Variants in PALM2AKAP2 observed in about 807,000 individuals in gnomAD.
PALM2AKAP2 encodes PALM2-AKAP2 fusion protein.
Under a neutral mutation model 71.5 loss-of-function variants are expected in PALM2AKAP2, and 37 were observed. The ratio of observed to expected loss-of-function variants is 0.52; its 90% CI spans 0.40 to 0.68. The LOEUF is 0.68. PALM2AKAP2 is among the 30% of genes least tolerant of loss of function. The pLI is 0.00. For synonymous variants in PALM2AKAP2, 468 were observed against 478.8 expected (o/e 0.98, Z 0.29); for missense variants, 1,224 against 1,191.8 (o/e 1.03, Z -0.40).
At chr9:109,974,271 A>G (rs995637799) in intron 6 of PALM2AKAP2, among the ~76,000 whole-genome samples, 2 of 152,242 alleles carry the variant, frequency 1.3e-5, no homozygotes, top group African/African-American at 2.4e-5. Flanking sequence ...AAGGGCACTC[A>G]CAAGAGTTCA....
At chr9:109,910,631 G>A (rs1455446610) in intron 3 of PALM2AKAP2, among the ~76,000 whole-genome samples, 4 of 152,200 alleles carry the variant, frequency 2.6e-5, no homozygotes, top group Admixed American at 2.0e-4. Flanking sequence ...AAGAGGGTCC[G>A]CTGGACGTGG....
chr9:110,137,264 G>T (rs1481765535), exon 2 of PALM2AKAP2: 1 of 1,614,092 alleles, frequency 6.2e-7, no homozygotes, highest in Admixed American at 1.7e-5. Flanking sequence ...GGTGGCCAAG[G>T]GCCAGAGTAC....
intron 1 of PALM2AKAP2, among the ~76,000 whole-genome samples, chr9:110,125,776 C>T (rs1278691520): frequency 1.5e-5 from 2 of 136,938 alleles, no homozygotes; most frequent in Non-Finnish European, 3.1e-5. Context: ...GCTTCTCTCT[C>T]TCTTTTTTTT....
chr9:110,116,326 GA>G (rs1210983941), intron 1 of PALM2AKAP2, among the ~76,000 whole-genome samples: 2 of 151,934 alleles, frequency 1.3e-5, no homozygotes, highest in Non-Finnish European at 2.9e-5. Flanking sequence ...AATACTAAAA[GA>G]AAAAATGGGA....
intron 1 of PALM2AKAP2, among the ~76,000 whole-genome samples, chr9:109,830,261 G>T (rs7864423): frequency 0.18 from 28,059 of 152,128 alleles, 4,196 homozygotes; most frequent in African/African-American, 0.41. Flanking sequence ...TTTACTTTAT[G>T]CATTGACTAG....
At chr9:110,042,193 G>A (rs1412470855) in intron 7 of PALM2AKAP2, among the ~76,000 whole-genome samples, 2 of 152,170 alleles carry the variant, frequency 1.3e-5, no homozygotes, top group East Asian at 3.8e-4. Context: ...TTGGGAGGCC[G>A]AAGCTTGCAG....
intron 6 of PALM2AKAP2, among the ~76,000 whole-genome samples, chr9:109,932,921 G>A (rs1309254517): frequency 6.6e-6 from 1 of 152,230 alleles, no homozygotes; most frequent in African/African-American, 2.4e-5. Flanking sequence ...GGATGTTTAA[G>A]CCAGAGGATA....
chr9:109,696,721 A>G (rs1187916491), intron 1 of PALM2AKAP2, among the ~76,000 whole-genome samples: 1 of 152,078 alleles, frequency 6.6e-6, no homozygotes, highest in Admixed American at 6.6e-5. Flanking sequence ...GGGCCAGTGC[A>G]TCTGTCTCCC....
At chr9:109,644,760 A>G (rs751401062) in intron 1 of PALM2AKAP2, among the ~76,000 whole-genome samples, 1 of 151,824 alleles carries the variant, frequency 6.6e-6, no homozygotes, top group African/African-American at 2.4e-5. Context: ...AGTTCCACAA[A>G]TCTCTAGGGC....
At chr9:110,136,336 G>T in exon 2 of PALM2AKAP2, 1 of 1,614,046 alleles carries the variant, frequency 6.2e-7, no homozygotes, top group Non-Finnish European at 8.5e-7. Flanking sequence ...ATTCACCCCC[G>T]CATAATGGCC....
At chr9:109,863,731 A>G (rs1829373174) in intron 1 of PALM2AKAP2, among the ~76,000 whole-genome samples, 2 of 152,164 alleles carry the variant, frequency 1.3e-5, no homozygotes, top group Admixed American at 6.5e-5. Context: ...TTTGACTCAT[A>G]TCTAATTCTG....
intron 1 of PALM2AKAP2, among the ~76,000 whole-genome samples, chr9:109,730,555 A>G (rs1828541035): frequency 1.3e-5 from 2 of 152,234 alleles, no homozygotes; most frequent in East Asian, 1.9e-4. Flanking sequence ...AAATTCTTCT[A>G]CAATTGGTCT....
intron 1 of PALM2AKAP2, among the ~76,000 whole-genome samples, chr9:109,849,429 A>G (rs1396907592): frequency 6.6e-6 from 1 of 152,106 alleles, no homozygotes; most frequent in East Asian, 1.9e-4. Flanking sequence ...TTCTTTCACA[A>G]GTTGGTTTGC....
intron 1 of PALM2AKAP2, among the ~76,000 whole-genome samples, chr9:110,071,027 G>A (rs915413896): frequency 6.6e-6 from 1 of 151,948 alleles, no homozygotes; most frequent in African/African-American, 2.4e-5. Flanking sequence ...AGCCAGACAT[G>A]GTGGTACGTG....
chr9:109,908,417 G>C (rs1247330219), intron 3 of PALM2AKAP2, among the ~76,000 whole-genome samples: 1 of 152,172 alleles, frequency 6.6e-6, no homozygotes, highest in Non-Finnish European at 1.5e-5. Flanking sequence ...AGCAGACCTG[G>C]GTTTGAATCC....
chr9:109,698,159 T>G (rs1827999448), intron 1 of PALM2AKAP2, among the ~76,000 whole-genome samples: 1 of 152,210 alleles, frequency 6.6e-6, no homozygotes, highest in African/African-American at 2.4e-5. Flanking sequence ...AAAAACCTTT[T>G]TGCAGCTGAG....
chr9:109,979,805 T>G, intron 6 of PALM2AKAP2, among the ~76,000 whole-genome samples: 1 of 152,172 alleles, frequency 6.6e-6, no homozygotes. Flanking sequence ...TTAAATTCCC[T>G]TTAAATTCAA....
intron 1 of PALM2AKAP2, among the ~76,000 whole-genome samples, chr9:109,825,654 C>G (rs1828128132): frequency 6.6e-6 from 1 of 152,118 alleles, no homozygotes; most frequent in African/African-American, 2.4e-5. Flanking sequence ...CAAATCAAAA[C>G]CACAATGAGA....
intron 1 of PALM2AKAP2, among the ~76,000 whole-genome samples, chr9:110,115,891 A>G (rs536463254): frequency 4.6e-5 from 7 of 152,352 alleles, no homozygotes; most frequent in African/African-American, 1.2e-4. Flanking sequence ...AAGTGTTCTT[A>G]GAACTCACCA....
Sources: gnomAD v4.1 joint callset for allele counts (sites outside exome capture counted in the v4.1 genomes callset) on GRCh38, gnomAD v4.1.1 for gene constraint, MANE v1.5 for transcripts, NCBI Gene and HGNC (gene_info 2026-07-23, HGNC 2026-07-21) for gene names.